SLC25A21: variants seen among roughly 807,000 people sequenced by gnomAD.
SLC25A21 encodes the protein solute carrier family 25 member 21.
In SLC25A21, 47 loss-of-function variants were observed where a neutral mutation model predicts 43.8. The ratio of observed to expected loss-of-function variants is 1.07; its 90% confidence interval spans 0.85 to 1.37. The LOEUF is 1.37. Among genes scored for constraint, SLC25A21 ranks in the 40% most tolerant of loss-of-function variants. SLC25A21 has a pLI of 0.00. For missense variants in SLC25A21, 352 were observed against 350.2 expected (o/e 1.00, Z -0.04); for synonymous variants, 131 against 121.3 (o/e 1.08, Z -0.52).
chr14:36,895,847 G>GT (rs931765966), intron 1 of SLC25A21, among the ~76,000 whole-genome samples: 121 of 152,318 alleles, frequency 7.9e-4, no homozygotes, highest in African/African-American at 2.8e-3. Context: ...TAGTTGTGCG[G>GT]TTTTGAGTGA....
chr14:37,039,803 T>C (rs1463206604), intron 1 of SLC25A21, among the ~76,000 whole-genome samples: 1 of 152,128 alleles, frequency 6.6e-6, no homozygotes, highest in Non-Finnish European at 1.5e-5. Context: ...ATCTATGCCA[T>C]GAGGGAGATA....
At chr14:36,849,668 T>C (rs1043774143) in intron 2 of SLC25A21, among the ~76,000 whole-genome samples, 2 of 152,302 alleles carry the variant, frequency 1.3e-5, no homozygotes, top group Middle Eastern at 3.4e-3. Context: ...AGAAATGCCA[T>C]TTCTAAAGCT....
At chr14:36,782,233 G>A (rs1451476601) in intron 3 of SLC25A21, among the ~76,000 whole-genome samples, 1 of 152,082 alleles carries the variant, frequency 6.6e-6, no homozygotes, top group Non-Finnish European at 1.5e-5. Context: ...AAGCTGTTTT[G>A]GAATTTTTGG....
chr14:36,804,283 C>A (rs2138425849), intron 3 of SLC25A21, among the ~76,000 whole-genome samples: 1 of 152,202 alleles, frequency 6.6e-6, no homozygotes, highest in African/African-American at 2.4e-5. Flanking sequence ...GCTTTGAACC[C>A]AAAGAGGGAA....
intron 1 of SLC25A21, among the ~76,000 whole-genome samples, chr14:37,039,121 G>A (rs1387392402): frequency 1.3e-5 from 2 of 152,164 alleles, no homozygotes; most frequent in Non-Finnish European, 1.5e-5. Flanking sequence ...GGTACGGTGA[G>A]GGGTGGGTGC....
chr14:36,787,650 T>C (rs1461379961), intron 3 of SLC25A21, among the ~76,000 whole-genome samples: 1 of 152,224 alleles, frequency 6.6e-6, no homozygotes, highest in African/African-American at 2.4e-5. Flanking sequence ...TGGATACAAA[T>C]GTTGTGTACA....
At chr14:36,883,619 G>A (rs900283055) in intron 1 of SLC25A21, among the ~76,000 whole-genome samples, 1 of 152,096 alleles carries the variant, frequency 6.6e-6, no homozygotes, top group Non-Finnish European at 1.5e-5. Context: ...CCCAGAACAT[G>A]CCTGGCACCT....
intron 2 of SLC25A21, among the ~76,000 whole-genome samples, chr14:36,839,398 C>T (rs936228408): frequency 7.9e-5 from 12 of 152,162 alleles, no homozygotes; most frequent in Non-Finnish European, 1.5e-4. Context: ...AAGTAATGGA[C>T]TTTATTTTGA....
intron 1 of SLC25A21, among the ~76,000 whole-genome samples, chr14:37,141,492 C>T (rs944198316): frequency 1.3e-5 from 2 of 151,688 alleles, no homozygotes; most frequent in African/African-American, 4.8e-5. Flanking sequence ...TTATTTCTTT[C>T]AATTAACTGC....
At chr14:37,148,663 T>C (rs372310590) in intron 1 of SLC25A21, among the ~76,000 whole-genome samples, 1 of 152,178 alleles carries the variant, frequency 6.6e-6, no homozygotes, top group African/African-American at 2.4e-5. Context: ...TGAATAAATA[T>C]ACATTTATTG....
At chr14:37,081,395 A>G (rs555446568) in intron 1 of SLC25A21, among the ~76,000 whole-genome samples, 1 of 152,204 alleles carries the variant, frequency 6.6e-6, no homozygotes, top group Non-Finnish European at 1.5e-5. Context: ...TCAAGACATG[A>G]TGCAAACAAA....
intron 2 of SLC25A21, among the ~76,000 whole-genome samples, chr14:36,837,340 G>A (rs1303697889): frequency 6.6e-6 from 1 of 152,084 alleles, no homozygotes; most frequent in African/African-American, 2.4e-5. Flanking sequence ...AGGAGGAGGT[G>A]AAGGGCAAGC....
rs529580889 is a variant in SLC25A21 at position 37,083,765 on chromosome 14, T to C, written c.70+88516A>G. 3.3e-5 allele frequency among the ~76,000 whole-genome samples: 5 copies of C among 152,270 alleles called. No individual in the cohort carries two copies. In the East Asian group the frequency reaches 9.7e-4, roughly 29 times the overall value. On this transcript the variant is annotated intron_variant, in intron 1 of 9. Coordinates refer to ENST00000331299, the MANE Select transcript of SLC25A21 (RefSeq NM_030631.4). ...AGTTTTAGGGAGCGGGACCCAGCCA[T>C]CTATGTTTAACCAAGCCCTCCATGT... is the stretch of plus-strand genomic sequence containing the variant.
intron 1 of SLC25A21, among the ~76,000 whole-genome samples, chr14:37,114,905 A>C (rs567572289): frequency 1.1e-4 from 17 of 152,258 alleles, no homozygotes; most frequent in South Asian, 2.1e-4. Context: ...GAAAAAATTC[A>C]GGTAAAATTA....
intron 3 of SLC25A21, among the ~76,000 whole-genome samples, chr14:36,760,921 GA>G (rs1487522760): frequency 1.3e-5 from 2 of 151,674 alleles, no homozygotes; most frequent in African/African-American, 2.4e-5. Context: ...GGAAAGAAAG[GA>G]AAAAAAGTGT....
At chr14:36,757,065 G>A (rs1885961545) in intron 3 of SLC25A21, among the ~76,000 whole-genome samples, 1 of 142,964 alleles carries the variant, frequency 7.0e-6, no homozygotes, top group South Asian at 2.3e-4. Context: ...ACCAGCCTGG[G>A]CAATATGGCA....
chr14:36,799,856 G>C (rs192554544), intron 3 of SLC25A21, among the ~76,000 whole-genome samples: 1 of 152,164 alleles, frequency 6.6e-6, no homozygotes, highest in Non-Finnish European at 1.5e-5. Context: ...TATTGTTTTA[G>C]TTGCTTAAAA....
In SLC25A21 at chr14:36,919,629, A is replaced by G. The variant is rs957530240; in HGVS notation, c.71-44625T>C. Among the ~76,000 whole-genome samples the G allele has an allele frequency of 7.7e-3, 1,036 of 135,190 alleles. 9 individuals are homozygous for G. The highest frequency in any genetic ancestry group is 0.03 in the African/African-American group (971 of 32,486). 88.7% of individuals were successfully genotyped at this position (135,190 alleles called of 152,430 possible). ...TTCAAGATTATCTATCTACCTATCT[A>G]TCTATCTATCTATCTATCTATCTAT... On this transcript the variant is annotated intron_variant, in intron 1 of 9. Transcript: ENST00000331299.
chr14:37,099,835 T>C (rs1013192660), intron 1 of SLC25A21, among the ~76,000 whole-genome samples: 12 of 152,076 alleles, frequency 7.9e-5, no homozygotes, highest in Non-Finnish European at 1.5e-5. Flanking sequence ...CCTAAAATCA[T>C]ATGGGTGGTA....
Sources: allele counts gnomAD v4.1 joint callset (sites outside exome capture counted in the v4.1 genomes callset), GRCh38; gene constraint gnomAD v4.1.1; transcripts MANE v1.5; gene names NCBI Gene and HGNC (gene_info 2026-07-23, HGNC 2026-07-21).